The following ARHGEF11 variants were observed in gnomAD, a reference collection of about 807,000 sequenced individuals.
ARHGEF11 encodes the protein Rho guanine nucleotide exchange factor 11, also known as Rho guanine exchange factor (GEF) 11.
A neutral mutation model predicts 193.7 loss-of-function variants in ARHGEF11; 55 were observed. The observed-to-expected ratio is 0.28, with a 90% CI of 0.23 to 0.36. The LOEUF (loss-of-function observed/expected upper bound fraction) is 0.36. Among genes scored for constraint, ARHGEF11 ranks in the 10% least tolerant of loss-of-function variants. The pLI, the probability that ARHGEF11 is intolerant of heterozygous loss-of-function variation, is 1.00. For synonymous variants in ARHGEF11, 693 were observed against 768.0 expected, an observed-to-expected ratio of 0.90 and a Z score of 1.62; for missense variants, 1,723 against 2,005.6, an observed-to-expected ratio of 0.86 and a Z score of 2.69.
intron 21 of ARHGEF11, 126 bp downstream of exon 21, chr1:156,954,766 A>G: frequency 1.2e-6 from 1 of 843,262 alleles, no homozygotes; most frequent in Middle Eastern, 2.2e-4. Context: ...AAATGGAGAG[A>G]AGAAAGAAAG....
chr1:156,954,298 T>C lies in ARHGEF11; in HGVS notation c.1798+594A>G, dbSNP rs773749084. The stretch of plus-strand genomic sequence containing the variant: ...GGGAGGCTGAGGCACGAGAATCCCT[T>C]GAACCTGGGAGGCGGAGTTTGTAGT... On this transcript the variant is annotated intron_variant, in intron 21 of 40. Transcript: ENST00000368194. 7.7e-5 allele frequency among the ~76,000 whole-genome samples: 11 copies of C among 142,402 alleles called. No individual in the cohort carries two copies. In the South Asian group the frequency reaches 1.3e-3, roughly 17 times the overall value. The allele number at this position is 142,402 out of a possible 152,430, so 93.4% of individuals were successfully genotyped here. A position where few individuals can be genotyped will look rare whatever the true frequency, so the allele number is the denominator to read the frequency against.
chr1:156,951,956 A>G (rs1244247461), intron 21 of ARHGEF11, among the ~76,000 whole-genome samples: 1 of 152,068 alleles, frequency 6.6e-6, no homozygotes, highest in Non-Finnish European at 1.5e-5. Context: ...TATATTTTCC[A>G]TAAGCATTCT....
intron 1 of ARHGEF11, among the ~76,000 whole-genome samples, chr1:157,024,141 C>T (rs1255586008): frequency 6.6e-6 from 1 of 152,040 alleles, no homozygotes; most frequent in African/African-American, 2.4e-5. Context: ...CCACAATGAA[C>T]CTTTAAAGTA....
chr1:156,942,698 G>C lies in ARHGEF11; in HGVS notation c.3318C>G (p.Asp1106Glu), dbSNP rs767691308. The change falls in exon 33 of 41, where the codon GAC becomes GAG. Residue 1106 changes from aspartate (D) to glutamate (E), a missense_variant. By Grantham distance (45) the Asp-to-Glu change is conservative. This residue lies in a region of ARHGEF11 where 203 missense variants were observed against 237.3 expected (regional missense o/e 0.86). Transcript: ENST00000368194. ...CCTCAATCAATTCTCACGTGTTCTT[G>C]TCTGATGACGTCAATGCAACCAGCT... ...IYELVALTSS[D>E]KNTWMELLEE... 12 of 1,613,864 alleles carry C rather than the reference G, an allele frequency of 7.4e-6. No individual in the cohort carries two copies. In the Admixed American group the frequency reaches 1.8e-4, roughly 25 times the overall value.
At chr1:156,962,891 A>C (rs1296091597) in intron 13 of ARHGEF11, among the ~76,000 whole-genome samples, 7 of 149,736 alleles carry the variant, frequency 4.7e-5, no homozygotes, top group Non-Finnish European at 8.9e-5. Flanking sequence ...AAAAAAAAAA[A>C]AAAAAAAAAA....
At chr1:156,947,718 C>G (rs542211580) in intron 25 of ARHGEF11, 51 bp downstream of exon 25, 1 of 1,595,730 alleles carries the variant, frequency 6.3e-7, no homozygotes, top group Admixed American at 1.7e-5. Context: ...GCATTCTGGA[C>G]CTATTCCCAC....
In ARHGEF11 at chr1:156,941,937, C is replaced by T. The variant is rs770252686; in HGVS notation, c.3379G>A (p.Ala1127Thr). The T allele has an allele frequency of 1.1e-5, 18 of 1,613,964 alleles. No individual in the cohort carries two copies. The East Asian group carries it at 3.8e-4, about 34-fold the overall frequency. ...GGAGGATGGACGGGCATTGGGGCAGCTCCGGGGTGCCTGGTGGCATTCCGC... is the reference window on the plus strand; with the variant it reads ...GGAGGATGGACGGGCATTGGGGCAGTTCCGGGGTGCCTGGTGGCATTCCGC... The part of the protein sequence containing the change: ...AVRNATRHPG[A>T]APMPVHPPPP... The change falls in exon 34 of 41, where the codon GCT becomes ACT. Residue 1127 changes from alanine to threonine, a missense_variant. This residue lies in a region of ARHGEF11 where 203 missense variants were observed against 237.3 expected (regional missense o/e 0.86). Transcript: ENST00000368194.
Position 157,013,261 on chromosome 1 carries a change from A to ACT in ARHGEF11, c.33-27090_33-27089dup, listed in dbSNP as rs1184498411. On this transcript the variant is annotated intron_variant, in intron 1 of 40. Coordinates refer to ENST00000368194, the MANE Select transcript of ARHGEF11 (RefSeq NM_198236.3). Reference sequence around the variant, plus strand: ...CAACTGCTCATAACTCCCCACTATCACTCACACACACACACACACACACAC... The same window carrying ACT: ...CAACTGCTCATAACTCCCCACTATCACTCTCACACACACACACACACACACAC... Among the ~76,000 whole-genome samples the ACT allele has an allele frequency of 4.5e-5, 5 of 110,402 alleles. No individual in the cohort carries two copies. In the East Asian group the frequency reaches 1.2e-3, roughly 27 times the overall value. The allele number at this position is 110,402 out of a possible 152,430, so 72.4% of individuals were successfully genotyped here. A position where few individuals can be genotyped will look rare whatever the true frequency, so the allele number is the denominator to read the frequency against.
At chr1:157,035,728 T>TCCAG (rs1350004881) in intron 1 of ARHGEF11, among the ~76,000 whole-genome samples, 5 of 148,848 alleles carry the variant, frequency 3.4e-5, no homozygotes, top group Non-Finnish European at 7.4e-5. Context: ...TAGATGGCCC[T>TCCAG]CCAGCCCCAG....
chr1:156,980,191 A>G (rs887063380), intron 4 of ARHGEF11, among the ~76,000 whole-genome samples: 1 of 152,232 alleles, frequency 6.6e-6, no homozygotes, highest in Non-Finnish European at 1.5e-5. Context: ...AAGAATAATA[A>G]AACTTGTTCT....
intron 1 of ARHGEF11, among the ~76,000 whole-genome samples, chr1:156,999,661 A>G (rs190512159): frequency 2.8e-4 from 43 of 152,314 alleles, no homozygotes; most frequent in African/African-American, 3.8e-4. Context: ...ATGAAAAAGT[A>G]TATTTTCATT....
chr1:157,019,725 A>T (rs1669722782), intron 1 of ARHGEF11, among the ~76,000 whole-genome samples: 1 of 152,230 alleles, frequency 6.6e-6, no homozygotes, highest in Non-Finnish European at 1.5e-5. Flanking sequence ...ATCCACTGCA[A>T]AATAATTGTG....
Position 156,969,893 on chromosome 1 carries a change from C to T in ARHGEF11, c.748+105G>A, listed in dbSNP as rs113866245. The stretch of plus-strand genomic sequence containing the variant: ...ATTATTTCATTTCTCAGAGGGCAGG[C>T]ACTATATATTTTCTTTCCTGGAATC... On this transcript the variant is annotated intron_variant, in intron 9 of 40. Transcript: ENST00000368194. 299 of 1,078,584 alleles carry T rather than the reference C, an allele frequency of 2.8e-4. No individual in the cohort carries two copies. The Middle Eastern group carries it at 5.8e-3, about 21-fold the overall frequency. 66.8% of individuals were successfully genotyped at this position (1,078,584 alleles called of 1,614,324 possible).
At chr1:157,041,699 C>A (rs148715378) in intron 1 of ARHGEF11, among the ~76,000 whole-genome samples, 2 of 152,308 alleles carry the variant, frequency 1.3e-5, no homozygotes, top group East Asian at 3.9e-4. Context: ...TCAAACATTT[C>A]TTGAGTACTC....
At chr1:156,961,642 T>C in intron 14 of ARHGEF11, 35 bp downstream of exon 14, 2 of 1,586,432 alleles carry the variant, frequency 1.3e-6, no homozygotes, top group Non-Finnish European at 1.7e-6. Context: ...TCAAAGAATA[T>C]GATAAAATTA....
In ARHGEF11 at chr1:156,986,068, C is replaced by A. The variant is rs779973576; in HGVS notation, c.124+14G>T. The A allele has an allele frequency of 4.4e-6, 7 of 1,609,070 alleles. No homozygotes were observed. In the South Asian group the frequency reaches 7.7e-5, roughly 18 times the overall value. On this transcript the variant is annotated intron_variant, in intron 2 of 40. Coordinates refer to ENST00000368194, the MANE Select transcript of ARHGEF11 (RefSeq NM_198236.3). ...GCCTGGCTGTTTTTGTATGTTAATG[C>A]CCAAGGAGGTTACCTGTTGTCTCAG...
chr1:157,006,421 T>A (rs1667825893), intron 1 of ARHGEF11, among the ~76,000 whole-genome samples: 1 of 152,194 alleles, frequency 6.6e-6, no homozygotes, highest in Non-Finnish European at 1.5e-5. Flanking sequence ...TGACTCTGAT[T>A]TGAAGACAGA....
At chr1:157,006,722 G>C (rs1385550772) in intron 1 of ARHGEF11, among the ~76,000 whole-genome samples, 1 of 152,178 alleles carries the variant, frequency 6.6e-6, no homozygotes, top group Non-Finnish European at 1.5e-5. Context: ...ACTGAGAAAA[G>C]TTTCACCATC....
chr1:156,969,199 C>A, intron 10 of ARHGEF11, 83 bp downstream of exon 10: 1 of 1,138,076 alleles, frequency 8.8e-7, no homozygotes, highest in Non-Finnish European at 1.3e-6. Context: ...GGCCTCAGTG[C>A]AGCTGGTAGG....
Sources: allele counts gnomAD v4.1 joint callset (sites outside exome capture counted in the v4.1 genomes callset), GRCh38; gene constraint gnomAD v4.1.1; regional missense constraint gnomAD v4.1.1; transcripts MANE v1.5; gene names NCBI Gene and HGNC (gene_info 2026-07-23, HGNC 2026-07-21).